The following LIN28B variants were observed in gnomAD, a reference collection of about 807,000 sequenced individuals.
LIN28B encodes lin-28 RNA binding posttranscriptional regulator B.
Under a neutral mutation model 21.9 loss-of-function variants are expected in LIN28B, and 5 were observed. The observed-to-expected ratio is 0.23, with a 90% CI of 0.12 to 0.48. LIN28B has a LOEUF of 0.48. Ranked by LOEUF, LIN28B falls within the 20% of genes least tolerant of loss-of-function variation. LIN28B has a pLI of 0.98. For missense variants in LIN28B, 245 were observed against 310.5 expected (o/e 0.79, Z 1.58); for synonymous variants, 109 against 111.3 (o/e 0.98, Z 0.13).
intron 2 of LIN28B, among the ~76,000 whole-genome samples, chr6:105,023,379 AATTAT>A (rs1281297380): frequency 2.7e-3 from 11 of 4,054 alleles, no homozygotes; most frequent in Admixed American, 0.023. Flanking sequence ...TAATATATAT[AATTAT>A]ATTATATATA....
chr6:104,976,223 G>A (rs972818000), intron 2 of LIN28B, among the ~76,000 whole-genome samples: 4 of 152,200 alleles, frequency 2.6e-5, no homozygotes, highest in African/African-American at 7.2e-5. Context: ...TAAGGGATCA[G>A]ACAATTTCAT....
chr6:105,071,664 A>G (rs1772336773), intron 3 of LIN28B, among the ~76,000 whole-genome samples: 2 of 152,160 alleles, frequency 1.3e-5, no homozygotes, highest in Admixed American at 6.5e-5. Flanking sequence ...CAAGAGAGGC[A>G]GTCTCAATTT....
At chr6:104,972,211 A>G (rs936217815) in intron 2 of LIN28B, among the ~76,000 whole-genome samples, 2 of 152,196 alleles carry the variant, frequency 1.3e-5, no homozygotes, top group African/African-American at 4.8e-5. Context: ...ACCTCAGGTA[A>G]TCCACCCACC....
At chr6:105,008,904 A>T (rs1188544851) in intron 2 of LIN28B, among the ~76,000 whole-genome samples, 1 of 152,220 alleles carries the variant, frequency 6.6e-6, no homozygotes, top group Non-Finnish European at 1.5e-5. Flanking sequence ...CTTCACACAT[A>T]CAGTGACATT....
intron 2 of LIN28B, among the ~76,000 whole-genome samples, chr6:104,979,984 C>G (rs774034616): frequency 2.0e-4 from 30 of 152,076 alleles, no homozygotes; most frequent in Non-Finnish European, 3.7e-4. Flanking sequence ...AGAATTATAG[C>G]AATATGTCTT....
intron 2 of LIN28B, among the ~76,000 whole-genome samples, chr6:104,939,052 T>C (rs1778048835): frequency 6.6e-6 from 1 of 152,154 alleles, no homozygotes; most frequent in Non-Finnish European, 1.5e-5. Flanking sequence ...GAAACATAGC[T>C]ATTAAAAAAA....
chr6:105,069,246 C>T (rs1772282979), intron 3 of LIN28B, among the ~76,000 whole-genome samples: 1 of 152,022 alleles, frequency 6.6e-6, no homozygotes, highest in South Asian at 2.1e-4. Flanking sequence ...AACAAAAAAA[C>T]AGAATTTGGC....
intron 2 of LIN28B, among the ~76,000 whole-genome samples, chr6:104,995,178 G>A (rs758061889): frequency 1.8e-4 from 28 of 152,204 alleles, no homozygotes; most frequent in Non-Finnish European, 4.4e-5. Flanking sequence ...TGCATTTAAG[G>A]AAGGTAAGAG....
At chr6:105,006,159 C>T (rs1770811750) in intron 2 of LIN28B, among the ~76,000 whole-genome samples, 1 of 152,106 alleles carries the variant, frequency 6.6e-6, no homozygotes, top group African/African-American at 2.4e-5. Flanking sequence ...GACATTTTTA[C>T]TAAACACTTT....
intron 2 of LIN28B, among the ~76,000 whole-genome samples, chr6:105,017,150 C>T (rs1293672008): frequency 6.6e-6 from 1 of 151,076 alleles, no homozygotes; most frequent in Non-Finnish European, 1.5e-5. Context: ...TGATATATAC[C>T]ATACATAATT....
chr6:105,031,013 A>G (rs1414312363), intron 3 of LIN28B, among the ~76,000 whole-genome samples: 1 of 152,138 alleles, frequency 6.6e-6, no homozygotes, highest in Non-Finnish European at 1.5e-5. Flanking sequence ...AAGGTAGGAA[A>G]AATTAAGTAT....
chr6:104,997,162 T>A (rs1446999546), intron 2 of LIN28B, among the ~76,000 whole-genome samples: 1 of 151,426 alleles, frequency 6.6e-6, no homozygotes, highest in East Asian at 1.9e-4. Context: ...ACACCTGTAG[T>A]CCCAGCTACT....
chr6:105,008,807 G>A (rs1170039161), intron 2 of LIN28B, among the ~76,000 whole-genome samples: 1 of 152,106 alleles, frequency 6.6e-6, no homozygotes, highest in Non-Finnish European at 1.5e-5. Context: ...TGAGTTCAAA[G>A]ACTTGACACA....
intron 3 of LIN28B, among the ~76,000 whole-genome samples, chr6:105,046,124 A>G (rs532081560): frequency 1.8e-3 from 280 of 152,212 alleles, no homozygotes; most frequent in African/African-American, 5.9e-3. Context: ...CCATTAACTC[A>G]ACATTTACAT....
At chr6:104,946,671 G>A (rs1264010545) in intron 2 of LIN28B, among the ~76,000 whole-genome samples, 1 of 152,072 alleles carries the variant, frequency 6.6e-6, no homozygotes, top group Non-Finnish European at 1.5e-5. Flanking sequence ...ATGATTTTAA[G>A]TAATGTTATT....
rs1416922403 is a variant in LIN28B, at chr6:105,081,453, C to T, written c.*2670C>T. The stretch of plus-strand genomic sequence containing the variant: ...GCAAAAGGCTACCTCATAGTTGATA[C>T]ATAGCACACCTGTATGTATGCTGTT... On this transcript the variant is annotated 3_prime_UTR_variant, in exon 4 of 4. Transcript: ENST00000345080. The T allele has an allele frequency of 6.6e-6, 1 of 152,638 alleles. No individual in the cohort carries two copies. The highest frequency in any genetic ancestry group is 1.5e-5 in the Non-Finnish European group (1 of 68,044). The allele number at this position is 152,638 out of a possible 1,614,324, so 9.5% of individuals were successfully genotyped here. A position where few individuals can be genotyped will look rare whatever the true frequency, so the allele number is the denominator to read the frequency against.
chr6:105,068,601 A>G (rs777655307), intron 3 of LIN28B, among the ~76,000 whole-genome samples: 1 of 152,228 alleles, frequency 6.6e-6, no homozygotes, highest in Non-Finnish European at 1.5e-5. Flanking sequence ...TGGACAATAC[A>G]GAGCCTTCCA....
intron 3 of LIN28B, among the ~76,000 whole-genome samples, chr6:105,045,289 T>G (rs1299998608): frequency 1.4e-5 from 2 of 146,342 alleles, no homozygotes; most frequent in Non-Finnish European, 3.0e-5. Flanking sequence ...ATTCTGTTTT[T>G]TTTTTTTTTT....
intron 2 of LIN28B, among the ~76,000 whole-genome samples, chr6:104,989,627 T>A (rs1383735214): frequency 7.8e-6 from 1 of 128,834 alleles, no homozygotes; most frequent in East Asian, 2.9e-4. Context: ...AGAGTCTCAC[T>A]GTGTCGCCCA....
Sources: gnomAD v4.1 joint callset for allele counts (sites outside exome capture counted in the v4.1 genomes callset) on GRCh38, gnomAD v4.1.1 for gene constraint, MANE v1.5 for transcripts, NCBI Gene and HGNC (gene_info 2026-07-23, HGNC 2026-07-21) for gene names.